Variants in VAPB observed in about 807,000 individuals in gnomAD.
VAPB encodes VAMP associated protein B and C.
VAPB carries 7 observed loss-of-function variants against 25.6 expected under a neutral mutation model. The ratio of observed to expected loss-of-function variants is 0.27; its 90% CI spans 0.16 to 0.51. The LOEUF is 0.51. VAPB is among the 20% of genes least tolerant of loss of function. VAPB has a pLI of 0.97. For missense variants in VAPB, 266 were observed against 301.3 expected, an observed-to-expected ratio of 0.88 and a Z score of 0.87; for synonymous variants, 112 against 109.2, an observed-to-expected ratio of 1.03 and a Z score of -0.16.
intron 1 of VAPB, among the ~76,000 whole-genome samples, chr20:58,417,340 A>G (rs1988565409): frequency 6.6e-6 from 1 of 152,246 alleles, no homozygotes; most frequent in African/African-American, 2.4e-5. Context: ...TTGTGTAAAC[A>G]TAGATGATGT....
chr20:58,427,493 A>T (rs903716755), intron 2 of VAPB, among the ~76,000 whole-genome samples: 17 of 152,006 alleles, frequency 1.1e-4, no homozygotes, highest in Non-Finnish European at 2.4e-4. Context: ...GTGATCTGTT[A>T]CCATTATGAT....
rs372358508 is a variant in VAPB, at chr20:58,444,409, T to C, written c.*174T>C. 8 of 866,708 alleles carry C rather than the reference T, an allele frequency of 9.2e-6. No homozygotes were observed. The highest frequency in any genetic ancestry group is 2.8e-4 in the Middle Eastern group (1 of 3,574). The allele number at this position is 866,708 out of a possible 1,614,324, so 53.7% of individuals were successfully genotyped here. On this transcript the variant is annotated 3_prime_UTR_variant, in exon 6 of 6. Transcript: ENST00000475243. ...CACAGATACACACACACAAATATAA[T>C]GTAACGATCTTTTAGAAAGTTAAAA...
intron 2 of VAPB, among the ~76,000 whole-genome samples, chr20:58,427,510 A>AGGTG (rs1600806152): frequency 3.3e-5 from 4 of 121,672 alleles, no homozygotes; most frequent in South Asian, 2.6e-4. Context: ...TGATGCAGGC[A>AGGTG]AAAGTGATTT....
Position 58,444,795 on chromosome 20 carries a change from C to G in VAPB, c.*560C>G, listed in dbSNP as rs1350431846. 4.4e-6 allele frequency: 2 copies of G among 454,462 alleles called. No homozygotes were observed. The highest frequency in any genetic ancestry group is 8.8e-6 in the Non-Finnish European group (2 of 226,822). The allele number at this position is 454,462 out of a possible 1,614,324, so 28.2% of individuals were successfully genotyped here. A position where few individuals can be genotyped will look rare whatever the true frequency, so the allele number is the denominator to read the frequency against. ...TTGCACTGTGGCAGCATCAGACGTA[C>G]TCGTCATAAGTGAGAGGCGTGTGTT... On this transcript the variant is annotated 3_prime_UTR_variant, in exon 6 of 6. Coordinates refer to ENST00000475243, the MANE Select transcript of VAPB (RefSeq NM_004738.5).
intron 1 of VAPB, among the ~76,000 whole-genome samples, chr20:58,408,682 ATT>A (rs1355972293): frequency 6.6e-6 from 1 of 152,170 alleles, no homozygotes; most frequent in Non-Finnish European, 1.5e-5. Context: ...CACAGTGAGC[ATT>A]TTTAATACCT....
In VAPB at chr20:58,450,456, G is replaced by A. The variant is rs1324074375; in HGVS notation, c.*6221G>A. On this transcript the variant is annotated 3_prime_UTR_variant, in exon 6 of 6. Coordinates refer to ENST00000475243, the MANE Select transcript of VAPB (RefSeq NM_004738.5). Reference sequence around the variant, plus strand: ...GTAAGGTGACTCAAGATGATACACCGAGAGAAAAATGCAAAATATATTTGG... The same window carrying A: ...GTAAGGTGACTCAAGATGATACACCAAGAGAAAAATGCAAAATATATTTGG... 8.8e-6 allele frequency: 4 copies of A among 453,720 alleles called. No homozygotes were observed. Among genetic ancestry groups the A allele is most frequent in the South Asian group, 3.1e-5 (2 of 64,460 alleles). The allele number at this position is 453,720 out of a possible 1,614,324, so 28.1% of individuals were successfully genotyped here.
At chr20:58,427,996 C>T (rs368266654) in intron 2 of VAPB, among the ~76,000 whole-genome samples, 6 of 143,524 alleles carry the variant, frequency 4.2e-5, no homozygotes, top group South Asian at 4.5e-4. Flanking sequence ...ATGATGCAGG[C>T]GAAAGTGATC....
chr20:58,442,717 T>G (rs1381298688), intron 5 of VAPB, among the ~76,000 whole-genome samples: 1 of 152,112 alleles, frequency 6.6e-6, no homozygotes. Flanking sequence ...GAGCTCTCTG[T>G]TGTTGGGATA....
Position 58,445,170 on chromosome 20 carries a change from G to A in VAPB, c.*935G>A. 6.6e-6 allele frequency: 3 copies of A among 454,210 alleles called. No individual in the cohort carries two copies. Among genetic ancestry groups the A allele is most frequent in the Non-Finnish European group, 8.8e-6 (2 of 226,782 alleles). The allele number at this position is 454,210 out of a possible 1,614,324, so 28.1% of individuals were successfully genotyped here. A position where few individuals can be genotyped will look rare whatever the true frequency, so the allele number is the denominator to read the frequency against. On this transcript the variant is annotated 3_prime_UTR_variant, in exon 6 of 6. Transcript: ENST00000475243. Reference sequence around the variant, plus strand: ...GGGTCAGTAAATAACAACTGTCATAGGGAGGGAAATTCTCAGTAGTGACAG... The same window carrying A: ...GGGTCAGTAAATAACAACTGTCATAAGGAGGGAAATTCTCAGTAGTGACAG...
intron 1 of VAPB, among the ~76,000 whole-genome samples, chr20:58,398,490 C>T (rs993530134): frequency 2.6e-5 from 4 of 152,186 alleles, no homozygotes; most frequent in African/African-American, 9.7e-5. Flanking sequence ...GGGCCAGGCA[C>T]TAGGTTGCAC....
intron 5 of VAPB, among the ~76,000 whole-genome samples, chr20:58,443,398 G>GTTTTTTTTTTTTTTTTTTTTTTTTTTT (rs397773897): frequency 8.9e-6 from 1 of 112,836 alleles, no homozygotes; most frequent in Non-Finnish European, 1.7e-5. Context: ...CCACTTTTAG[G>GTTTTTTTTTTTTTTTTTTTTTTTTTTT]TTTTTTTTTT....
intron 1 of VAPB, among the ~76,000 whole-genome samples, chr20:58,398,766 T>C (rs1317420655): frequency 2.0e-5 from 3 of 152,198 alleles, no homozygotes; most frequent in African/African-American, 7.2e-5. Flanking sequence ...GGTACAGTTA[T>C]GATCCTGAAG....
At chr20:58,405,274 G>A (rs567009495) in intron 1 of VAPB, among the ~76,000 whole-genome samples, 8 of 152,196 alleles carry the variant, frequency 5.3e-5, no homozygotes, top group African/African-American at 1.9e-4. Context: ...CAGGTGCAAG[G>A]TGATGATGAG....
At chr20:58,412,295 T>G (rs1191393016) in intron 1 of VAPB, among the ~76,000 whole-genome samples, 1 of 152,122 alleles carries the variant, frequency 6.6e-6, no homozygotes, top group African/African-American at 2.4e-5. Context: ...AAAGTAAAAT[T>G]ATGGCTGGGC....
At chr20:58,407,580 A>G (rs1988261846) in intron 1 of VAPB, among the ~76,000 whole-genome samples, 1 of 152,172 alleles carries the variant, frequency 6.6e-6, no homozygotes, top group African/African-American at 2.4e-5. Flanking sequence ...TCTTTCTTTA[A>G]TAAAACAAGT....
intron 2 of VAPB, among the ~76,000 whole-genome samples, chr20:58,419,145 A>T (rs1231233254): frequency 1.3e-5 from 2 of 152,214 alleles, no homozygotes; most frequent in Non-Finnish European, 2.9e-5. Flanking sequence ...CAAGTGACTC[A>T]GTGTCACAGA....
Position 58,449,460 on chromosome 20 carries a change from GA to G in VAPB, c.*5227del, listed in dbSNP as rs1403181551. ...TACTTGAGATTTTTTTTTCTTAATG[GA>G]ATTAGTTTATTAGAAAATGTCTGTG... On this transcript the variant is annotated 3_prime_UTR_variant, in exon 6 of 6. Transcript: ENST00000475243. 1 of 449,068 alleles carries G rather than the reference GA, an allele frequency of 2.2e-6. No individual in the cohort carries two copies. The highest frequency in any genetic ancestry group is 2.4e-5 in the Admixed American group (1 of 41,602). The allele number at this position is 449,068 out of a possible 1,614,324, so 27.8% of individuals were successfully genotyped here.
Position 58,449,081 on chromosome 20 carries a change from A to T in VAPB, c.*4846A>T, listed in dbSNP as rs1249191063. On this transcript the variant is annotated 3_prime_UTR_variant, in exon 6 of 6. Coordinates refer to ENST00000475243, the MANE Select transcript of VAPB (RefSeq NM_004738.5). ...CAGGATATCAGCAAAGAGGGCAAGTAATAGAAGCCCCTGATAAGGAGCGTC... is the reference window on the plus strand; with the variant it reads ...CAGGATATCAGCAAAGAGGGCAAGTTATAGAAGCCCCTGATAAGGAGCGTC... 4.4e-6 allele frequency: 2 copies of T among 454,120 alleles called. No individual in the cohort carries two copies. Among genetic ancestry groups the T allele is most frequent in the Admixed American group, 4.7e-5 (2 of 42,578 alleles). 28.1% of individuals were successfully genotyped at this position (454,120 alleles called of 1,614,324 possible).
intron 1 of VAPB, among the ~76,000 whole-genome samples, chr20:58,409,038 T>A (rs6026243): frequency 4.1e-4 from 63 of 151,896 alleles, no homozygotes; most frequent in African/African-American, 1.4e-3. Context: ...CTGGATGTGC[T>A]TACAGAGGGT....
Sources: gnomAD v4.1 joint callset for allele counts (sites outside exome capture counted in the v4.1 genomes callset) on GRCh38, gnomAD v4.1.1 for gene constraint, MANE v1.5 for transcripts, NCBI Gene and HGNC (gene_info 2026-07-23, HGNC 2026-07-21) for gene names.